Variants in NLGN1 observed in about 807,000 individuals in gnomAD.
The protein encoded by NLGN1 is neuroligin-1.
A neutral mutation model predicts 65.5 loss-of-function variants in NLGN1; 12 were observed. The ratio of observed to expected loss-of-function variants is 0.18; its 90% CI spans 0.12 to 0.30. The LOEUF (loss-of-function observed/expected upper bound fraction) is 0.30. Ranked by LOEUF, NLGN1 falls within the 10% of genes least tolerant of loss-of-function variation. The pLI, the probability that NLGN1 is intolerant of heterozygous loss-of-function variation, is 1.00. For synonymous variants in NLGN1, 350 were observed against 359.5 expected (o/e 0.97, Z 0.30); for missense variants, 750 against 1,007.1 (o/e 0.74, Z 3.46).
chr3:173,649,483 C>A (rs1577729897), intron 3 of NLGN1, among the ~76,000 whole-genome samples: 1 of 152,004 alleles, frequency 6.6e-6, no homozygotes, highest in East Asian at 1.9e-4. Context: ...TTTTATGTGT[C>A]AATTATACCT....
At chr3:173,917,364 GTTAC>G (rs2152247321) in intron 4 of NLGN1, among the ~76,000 whole-genome samples, 1 of 152,190 alleles carries the variant, frequency 6.6e-6, no homozygotes, top group Admixed American at 6.5e-5. Flanking sequence ...GTAAGTCTTA[GTTAC>G]TTCTTTTGTA....
At chr3:174,070,981 G>A (rs1739714087) in intron 4 of NLGN1, among the ~76,000 whole-genome samples, 1 of 152,128 alleles carries the variant, frequency 6.6e-6, no homozygotes, top group South Asian at 2.1e-4. Flanking sequence ...CTTGAGCCCA[G>A]GAGGTCAAGG....
rs116181234 is a variant in NLGN1 at position 173,726,799 on chromosome 3, T to A, written c.494-80881T>A. ...TGTTGTACAGTTTGTATTAAAGGACTACTTTATTGCTTTTTTATTACCTGA... is the reference window on the plus strand; with the variant it reads ...TGTTGTACAGTTTGTATTAAAGGACAACTTTATTGCTTTTTTATTACCTGA... On this transcript the variant is annotated intron_variant, in intron 3 of 6. Coordinates refer to ENST00000457714, the Ensembl canonical transcript of NLGN1. 6.9e-3 allele frequency among the ~76,000 whole-genome samples: 778 copies of A among 112,550 alleles called. 7 individuals are homozygous for A. The highest frequency in any genetic ancestry group is 0.02 in the African/African-American group (749 of 37,834). 73.8% of individuals were successfully genotyped at this position (112,550 alleles called of 152,430 possible).
Position 174,209,623 on chromosome 3 carries a change from C to CTTTTT in NLGN1, c.647-65670_647-65666dup, listed in dbSNP as rs796169913. ...CCCTGGTGTCTATCAACCTTTCTTT[C>CTTTTT]TTTTTTTTTTTTTTTTTTTTTTTTT... On this transcript the variant is annotated intron_variant, in intron 4 of 6. Transcript: ENST00000457714. Among the ~76,000 whole-genome samples, 322 of 82,096 alleles carry CTTTTT rather than the reference C, an allele frequency of 3.9e-3. 13 individuals are homozygous for CTTTTT. The highest frequency in any genetic ancestry group is 6.3e-3 in the African/African-American group (129 of 20,608). The allele number at this position is 82,096 out of a possible 152,430, so 53.9% of individuals were successfully genotyped here. A position where few individuals can be genotyped will look rare whatever the true frequency, so the allele number is the denominator to read the frequency against.
intron 2 of NLGN1, among the ~76,000 whole-genome samples, chr3:173,481,996 C>T (rs903591490): frequency 6.6e-6 from 1 of 151,734 alleles, no homozygotes; most frequent in Non-Finnish European, 1.5e-5. Context: ...TTGCTGAGGT[C>T]TTTTATCATT....
intron 4 of NLGN1, among the ~76,000 whole-genome samples, chr3:174,043,536 A>G (rs190298193): frequency 1.3e-5 from 2 of 152,376 alleles, no homozygotes; most frequent in African/African-American, 4.8e-5. Flanking sequence ...TGCAAGCCCA[A>G]AATCCAATAG....
intron 2 of NLGN1, among the ~76,000 whole-genome samples, chr3:173,480,604 A>G (rs1427586614): frequency 6.6e-6 from 1 of 152,164 alleles, no homozygotes. Flanking sequence ...CAAGGACATC[A>G]ACAGGATTTA....
At chr3:174,126,802 T>C (rs527868878) in intron 4 of NLGN1, among the ~76,000 whole-genome samples, 4 of 152,264 alleles carry the variant, frequency 2.6e-5, no homozygotes, top group Non-Finnish European at 4.4e-5. Flanking sequence ...TAGCACCAGA[T>C]ACATGGTATT....
intron 4 of NLGN1, among the ~76,000 whole-genome samples, chr3:174,176,001 T>A (rs958444505): frequency 1.3e-5 from 2 of 151,658 alleles, no homozygotes; most frequent in Admixed American, 6.6e-5. Flanking sequence ...TCATATTAAA[T>A]CTGCCTACTT....
intron 4 of NLGN1, among the ~76,000 whole-genome samples, chr3:174,105,247 A>G: frequency 6.6e-6 from 1 of 152,098 alleles, no homozygotes; most frequent in East Asian, 1.9e-4. Flanking sequence ...GTTTGGATCA[A>G]AGAGTTTGGC....
chr3:173,514,636 T>C (rs980150132), intron 2 of NLGN1, among the ~76,000 whole-genome samples: 7 of 152,196 alleles, frequency 4.6e-5, no homozygotes, highest in Non-Finnish European at 8.8e-5. Flanking sequence ...GCTGAAATTT[T>C]GTGCCCATTG....
At chr3:174,018,470 A>G (rs1579799782) in intron 4 of NLGN1, among the ~76,000 whole-genome samples, 3 of 152,188 alleles carry the variant, frequency 2.0e-5, no homozygotes, top group African/African-American at 7.2e-5. Flanking sequence ...ATAAGAAATT[A>G]TAAAAGTATT....
At chr3:173,602,847 G>A (rs929340279) in intron 2 of NLGN1, among the ~76,000 whole-genome samples, 9 of 152,060 alleles carry the variant, frequency 5.9e-5, no homozygotes, top group African/African-American at 2.2e-4. Flanking sequence ...ATGGGTTTGT[G>A]TAGCTGAATC....
chr3:173,780,118 G>A (rs759667473), intron 3 of NLGN1, among the ~76,000 whole-genome samples: 2 of 152,046 alleles, frequency 1.3e-5, no homozygotes, highest in Non-Finnish European at 2.9e-5. Flanking sequence ...TCTTTGAAAC[G>A]TCCATATTTA....
intron 4 of NLGN1, among the ~76,000 whole-genome samples, chr3:173,891,673 C>T (rs1735361477): frequency 6.6e-6 from 1 of 152,170 alleles, no homozygotes; most frequent in Non-Finnish European, 1.5e-5. Context: ...CTAAAACTTA[C>T]CAAGGCAGTG....
chr3:173,516,253 A>G (rs974579588), intron 2 of NLGN1, among the ~76,000 whole-genome samples: 1 of 152,070 alleles, frequency 6.6e-6, no homozygotes, highest in South Asian at 2.1e-4. Flanking sequence ...CTAACTTACT[A>G]TTATGTATTG....
chr3:173,453,404 CA>C (rs1258690287), intron 2 of NLGN1, among the ~76,000 whole-genome samples: 1 of 151,072 alleles, frequency 6.6e-6, no homozygotes, highest in Admixed American at 6.6e-5. Flanking sequence ...TTAAATAAAG[CA>C]ACAATGAAGT....
chr3:173,751,420 G>A (rs1776281984), intron 3 of NLGN1, among the ~76,000 whole-genome samples: 1 of 151,950 alleles, frequency 6.6e-6, no homozygotes, highest in Non-Finnish European at 1.5e-5. Context: ...TAACAAACTA[G>A]TTTTACTTCA....
downstream of NLGN1, among the ~76,000 whole-genome samples, chr3:174,288,252 AAAT>A (rs1261868732): frequency 6.6e-6 from 1 of 151,604 alleles, no homozygotes; most frequent in Non-Finnish European, 1.5e-5. Flanking sequence ...ACATCTTTCC[AAAT>A]AATAAATACA....
Sources: gnomAD v4.1 joint callset for allele counts (sites outside exome capture counted in the v4.1 genomes callset) on GRCh38, gnomAD v4.1.1 for gene constraint, MANE v1.5 for transcripts, NCBI Gene and HGNC (gene_info 2026-07-23, HGNC 2026-07-21) for gene names.